The following USH2A variants were observed in gnomAD, a reference collection of about 807,000 sequenced individuals.
USH2A encodes Usher syndrome 2A (autosomal recessive, mild).
Under a neutral mutation model 538.9 loss-of-function variants are expected in USH2A, and 443 were observed. That is an observed-to-expected ratio of 0.82 (90% CI 0.76 to 0.89). USH2A has a LOEUF of 0.89. Ranked by LOEUF, USH2A falls within the 40% of genes least tolerant of loss-of-function variation. The pLI is 0.00. For synonymous variants in USH2A, 2,413 were observed against 2,273.5 expected, an observed-to-expected ratio of 1.06 and a Z score of -1.75; for missense variants, 6,633 against 6,324.8, an observed-to-expected ratio of 1.05 and a Z score of -1.65.
chr1:216,228,164 T>C (rs1246057288), intron 14 of USH2A, among the ~76,000 whole-genome samples: 1 of 152,062 alleles, frequency 6.6e-6, no homozygotes, highest in Non-Finnish European at 1.5e-5. Context: ...ATAGCATTCA[T>C]GGGATTAGGA....
chr1:215,791,491 T>A (rs1661980294), intron 50 of USH2A, among the ~76,000 whole-genome samples: 1 of 152,200 alleles, frequency 6.6e-6, no homozygotes, highest in Non-Finnish European at 1.5e-5. Flanking sequence ...AAGATGTTTA[T>A]CCACACATGA....
chr1:216,251,760 CTT>C (rs1239819707), intron 11 of USH2A, among the ~76,000 whole-genome samples: 1 of 152,024 alleles, frequency 6.6e-6, no homozygotes, highest in Non-Finnish European at 1.5e-5. Flanking sequence ...TTTTATTCCT[CTT>C]GTTTACTGTC....
intron 16 of USH2A, among the ~76,000 whole-genome samples, chr1:216,202,227 C>A (rs962802248): frequency 1.3e-5 from 2 of 152,102 alleles, no homozygotes; most frequent in South Asian, 2.1e-4. Flanking sequence ...AGACTTATAA[C>A]CTGATGACAA....
intron 34 of USH2A, among the ~76,000 whole-genome samples, chr1:215,995,498 C>T (rs2102478883): frequency 6.6e-6 from 1 of 152,286 alleles, no homozygotes; most frequent in Non-Finnish European, 1.5e-5. Flanking sequence ...GTTCTTAAAG[C>T]TGCTTCCAAT....
intron 2 of USH2A, among the ~76,000 whole-genome samples, chr1:216,421,322 G>A (rs2039672494): frequency 1.3e-5 from 2 of 152,038 alleles, no homozygotes; most frequent in Admixed American, 1.3e-4. Context: ...TAGAGATGGA[G>A]GGTTATTTAT....
At chr1:216,249,141 A>G (rs1383029853) in intron 12 of USH2A, among the ~76,000 whole-genome samples, 1 of 152,150 alleles carries the variant, frequency 6.6e-6, no homozygotes, top group East Asian at 1.9e-4. Context: ...GAAAGTAAAT[A>G]TATATGCATA....
intron 61 of USH2A, among the ~76,000 whole-genome samples, chr1:215,703,944 G>A (rs1659107245): frequency 1.3e-5 from 2 of 152,196 alleles, no homozygotes; most frequent in African/African-American, 2.4e-5. Context: ...CCCTGGTGGT[G>A]TAGGCACCTG....
At chr1:216,125,541 A>G (rs1324595371) in intron 21 of USH2A, among the ~76,000 whole-genome samples, 1 of 152,236 alleles carries the variant, frequency 6.6e-6, no homozygotes, top group Non-Finnish European at 1.5e-5. Flanking sequence ...AGCTTTAAAC[A>G]TCAATTTTGA....
intron 61 of USH2A, among the ~76,000 whole-genome samples, chr1:215,710,793 C>T (rs569534114): frequency 6.6e-6 from 1 of 151,660 alleles, no homozygotes; most frequent in South Asian, 2.1e-4. Flanking sequence ...ATTTTCTGAA[C>T]GAGAATGACT....
intron 60 of USH2A, 87 bp downstream of exon 60, chr1:215,741,288 T>C: frequency 2.0e-6 from 3 of 1,471,622 alleles, no homozygotes; most frequent in East Asian, 2.3e-5. Context: ...CATTCTCTTA[T>C]GGAAATATAA....
chr1:216,087,538 C>G (rs1017856447), intron 23 of USH2A, among the ~76,000 whole-genome samples: 6 of 152,026 alleles, frequency 3.9e-5, no homozygotes, highest in Non-Finnish European at 8.8e-5. Flanking sequence ...TAAACTCTGT[C>G]AAAGGCCAGA....
At chr1:216,023,459 C>CAAAAAAAAAAATAAAAAA (rs1668886845) in intron 32 of USH2A, among the ~76,000 whole-genome samples, 1 of 46,956 alleles carries the variant, frequency 2.1e-5, no homozygotes, top group Non-Finnish European at 3.8e-5. Context: ...TCAAAGCAGA[C>CAAAAAAAAAAATAAAAAA]AAAAAAAAAA....
intron 55 of USH2A, among the ~76,000 whole-genome samples, chr1:215,775,795 G>A (rs1661445661): frequency 6.6e-6 from 1 of 152,174 alleles, no homozygotes; most frequent in Non-Finnish European, 1.5e-5. Context: ...AGCATTGTTA[G>A]GGTTTGTTCT....
At chr1:216,119,437 A>G (rs116374197) in intron 21 of USH2A, among the ~76,000 whole-genome samples, 3,375 of 151,716 alleles carry the variant, frequency 0.022, 132 homozygotes, top group African/African-American at 0.076. Flanking sequence ...AGTATATAAT[A>G]TAACATTATA....
At chr1:215,716,556 G>A (rs1017687639) in intron 61 of USH2A, among the ~76,000 whole-genome samples, 3 of 152,128 alleles carry the variant, frequency 2.0e-5, no homozygotes, top group South Asian at 4.1e-4. Context: ...GAATTTGTAC[G>A]ATAAAATTCA....
At chr1:216,247,267 G>T in intron 12 of USH2A, 41 bp from the exon 13 acceptor site, 1 of 1,608,692 alleles carries the variant, frequency 6.2e-7, no homozygotes, top group South Asian at 1.1e-5. Flanking sequence ...ATGGGAAAAT[G>T]ATTTCATTCA....
At chr1:216,045,818 C>A (rs150128071) in intron 32 of USH2A, among the ~76,000 whole-genome samples, 3 of 152,184 alleles carry the variant, frequency 2.0e-5, no homozygotes, top group East Asian at 3.9e-4. Context: ...TAGAAGAGAA[C>A]ACACAGTAGG....
At chr1:216,047,057 T>G (rs17025932) in intron 31 of USH2A, among the ~76,000 whole-genome samples, 5,530 of 152,228 alleles carry the variant, frequency 0.036, 347 homozygotes, top group African/African-American at 0.13. Flanking sequence ...TATGAAAACT[T>G]TAGTGCATAT....
At chr1:215,792,294 A>T (rs1239959296) in intron 50 of USH2A, among the ~76,000 whole-genome samples, 1 of 152,210 alleles carries the variant, frequency 6.6e-6, no homozygotes, top group African/African-American at 2.4e-5. Context: ...GCCTTCTTTC[A>T]CAAAGAGCTT....
Sources: allele counts gnomAD v4.1 joint callset (sites outside exome capture counted in the v4.1 genomes callset), GRCh38; gene constraint gnomAD v4.1.1; transcripts MANE v1.5; gene names NCBI Gene and HGNC (gene_info 2026-07-23, HGNC 2026-07-21).